FOXP1: variants seen among roughly 807,000 people sequenced by gnomAD.
FOXP1 encodes forkhead box P1.
FOXP1 carries 15 observed loss-of-function variants against 98.2 expected under a neutral mutation model. The ratio of observed to expected loss-of-function variants is 0.15; its 90% CI spans 0.10 to 0.24. The LOEUF (loss-of-function observed/expected upper bound fraction) is 0.24, where lower values mean the gene tolerates loss of function less well. Ranked by LOEUF, FOXP1 falls within the 10% of genes least tolerant of loss-of-function variation. The pLI is 1.00. For synonymous variants in FOXP1, 371 were observed against 314.5 expected (o/e 1.18, Z -1.90); for missense variants, 633 against 848.5 (o/e 0.75, Z 3.15).
At chr3:71,347,169 A>C (rs2077419086) in intron 4 of FOXP1, among the ~76,000 whole-genome samples, 1 of 152,208 alleles carries the variant, frequency 6.6e-6, no homozygotes, top group African/African-American at 2.4e-5. Flanking sequence ...GGGTTTTAAA[A>C]AATTCCTTAT....
intron 6 of FOXP1, among the ~76,000 whole-genome samples, chr3:71,127,928 C>T (rs2059327475): frequency 6.6e-6 from 1 of 152,172 alleles, no homozygotes; most frequent in African/African-American, 2.4e-5. Flanking sequence ...CTTGTCTTCT[C>T]AAGGGCAAAG....
chr3:71,284,285 C>T (rs1229317554), intron 5 of FOXP1, among the ~76,000 whole-genome samples: 1 of 152,136 alleles, frequency 6.6e-6, no homozygotes, highest in Non-Finnish European at 1.5e-5. Flanking sequence ...GACAAATATG[C>T]CAGGCACAGT....
intron 3 of FOXP1, among the ~76,000 whole-genome samples, chr3:71,432,681 C>A (rs1271685848): frequency 6.6e-6 from 1 of 152,028 alleles, no homozygotes; most frequent in South Asian, 2.1e-4. Context: ...CAGCGCTACT[C>A]ATGATCGCTT....
intron 11 of FOXP1, among the ~76,000 whole-genome samples, chr3:71,025,020 ATCTGCGTTG>A (rs1211526098): frequency 1.3e-5 from 2 of 152,180 alleles, no homozygotes; most frequent in Non-Finnish European, 2.9e-5. Flanking sequence ...ACTTATATTC[ATCTGCGTTG>A]GATAAAGTTT....
chr3:71,383,940 G>A (rs951819574), intron 3 of FOXP1, among the ~76,000 whole-genome samples: 9 of 152,170 alleles, frequency 5.9e-5, no homozygotes, highest in South Asian at 2.1e-4. Context: ...CAAGGCTGGC[G>A]GGCGCGGTGG....
chr3:71,015,329 G>C (rs550995331), intron 12 of FOXP1, among the ~76,000 whole-genome samples: 6 of 151,762 alleles, frequency 4.0e-5, no homozygotes, highest in African/African-American at 1.5e-4. Context: ...CTCTTACTAA[G>C]ACTTACGCCT....
At chr3:71,234,926 C>A (rs148272592) in intron 5 of FOXP1, among the ~76,000 whole-genome samples, 40 of 152,244 alleles carry the variant, frequency 2.6e-4, no homozygotes, top group Non-Finnish European at 4.0e-4. Flanking sequence ...AGTAAGTGGG[C>A]GCATTTCATG....
chr3:71,452,102 T>C (rs1260974177), intron 3 of FOXP1, among the ~76,000 whole-genome samples: 1 of 152,162 alleles, frequency 6.6e-6, no homozygotes, highest in African/African-American at 2.4e-5. Flanking sequence ...TTGCCAAATA[T>C]TTACTGGCGA....
intron 6 of FOXP1, among the ~76,000 whole-genome samples, chr3:71,190,737 GC>G (rs2062929732): frequency 6.6e-6 from 1 of 151,734 alleles, no homozygotes; most frequent in African/African-American, 2.4e-5. Context: ...TCACTTATGA[GC>G]CCACTTGCAA....
intron 5 of FOXP1, among the ~76,000 whole-genome samples, chr3:71,208,681 T>C (rs992014783): frequency 4.6e-5 from 7 of 152,110 alleles, no homozygotes; most frequent in Non-Finnish European, 7.3e-5. Context: ...TTTGTGTTTA[T>C]GAACAAACAC....
chr3:71,032,714 A>G (rs9880715), intron 11 of FOXP1, among the ~76,000 whole-genome samples: 32,420 of 152,138 alleles, frequency 0.21, 7,798 homozygotes, highest in African/African-American at 0.59. Context: ...GAATAACTGC[A>G]CAAAAAAGCA....
intron 6 of FOXP1, among the ~76,000 whole-genome samples, chr3:71,192,395 T>A (rs7645130): frequency 0.28 from 43,124 of 152,034 alleles, 7,038 homozygotes; most frequent in African/African-American, 0.45. Flanking sequence ...CAGAGGCCTA[T>A]GGGTAAAAAT....
At chr3:71,459,779 G>A (rs1388408481) in intron 3 of FOXP1, among the ~76,000 whole-genome samples, 1 of 152,174 alleles carries the variant, frequency 6.6e-6, no homozygotes, top group African/African-American at 2.4e-5. Context: ...TCAGAAGAAT[G>A]AGATAATTAA....
At chr3:71,374,874 A>T (rs944228132) in intron 3 of FOXP1, among the ~76,000 whole-genome samples, 4 of 152,042 alleles carry the variant, frequency 2.6e-5, no homozygotes, top group Non-Finnish European at 5.9e-5. Context: ...TGGCTTCACT[A>T]CTCTTTTATT....
At chr3:71,021,124 T>A (rs933809798) in intron 11 of FOXP1, among the ~76,000 whole-genome samples, 3 of 152,188 alleles carry the variant, frequency 2.0e-5, no homozygotes, top group Non-Finnish European at 2.9e-5. Flanking sequence ...TGTGTAACCA[T>A]CATCACCAAC....
rs555460374 is a variant in FOXP1, at chr3:71,299,842, A to G, written c.-34T>C. On this transcript the variant is annotated 5_prime_UTR_variant, in exon 5 of 21. Coordinates refer to ENST00000649528, the MANE Select transcript of FOXP1 (RefSeq NM_001349338.3). The stretch of plus-strand genomic sequence containing the variant: ...TACCTTTTTTGGCTTCTGTAAAGCA[A>G]TCTTCAGTTATAGTCACCTCAAAAG... The G allele has an allele frequency of 1.0e-4, 16 of 152,780 alleles. No individual in the cohort carries two copies. Among genetic ancestry groups the G allele is most frequent in the African/African-American group, 3.6e-4 (15 of 41,586 alleles). 9.5% of individuals were successfully genotyped at this position (152,780 alleles called of 1,614,324 possible). A position where few individuals can be genotyped will look rare whatever the true frequency, so the allele number is the denominator to read the frequency against.
chr3:71,038,352 C>T (rs2106812059), intron 11 of FOXP1, among the ~76,000 whole-genome samples: 1 of 152,328 alleles, frequency 6.6e-6, no homozygotes, highest in Non-Finnish European at 1.5e-5. Context: ...GTGGCAGAGA[C>T]TCTTTCCTTG....
intron 3 of FOXP1, among the ~76,000 whole-genome samples, chr3:71,379,154 C>G (rs1046392969): frequency 2.0e-4 from 31 of 152,028 alleles, no homozygotes; most frequent in African/African-American, 7.5e-4. Flanking sequence ...TCTCATTTCA[C>G]TCATCTCTAT....
chr3:70,997,687 GC>G (rs563540829), intron 13 of FOXP1, among the ~76,000 whole-genome samples: 31 of 152,274 alleles, frequency 2.0e-4, no homozygotes, highest in African/African-American at 7.2e-4. Flanking sequence ...AGCTAGCACT[GC>G]CCAATGAATG....
Sources: gnomAD v4.1 joint callset for allele counts (sites outside exome capture counted in the v4.1 genomes callset) on GRCh38, gnomAD v4.1.1 for gene constraint, MANE v1.5 for transcripts, NCBI Gene and HGNC (gene_info 2026-07-23, HGNC 2026-07-21) for gene names.